RSRC1: variants seen among roughly 807,000 people sequenced by gnomAD.
RSRC1 encodes the protein serine/Arginine-related protein 53.
In RSRC1, 39 loss-of-function variants were observed where a neutral mutation model predicts 49.1. The observed-to-expected ratio is 0.79, with a 90% CI of 0.61 to 1.04. RSRC1 has a LOEUF of 1.04. RSRC1 is among the 50% of genes least tolerant of loss of function. The probability of loss-of-function intolerance (pLI) is 0.00; values close to 1 mark genes in which losing one functional copy is unlikely to be tolerated. For synonymous variants in RSRC1, 143 were observed against 130.8 expected, an observed-to-expected ratio of 1.09 and a Z score of -0.63; for missense variants, 388 against 402.4, an observed-to-expected ratio of 0.96 and a Z score of 0.31.
intron 3 of RSRC1, among the ~76,000 whole-genome samples, chr3:158,143,773 A>C (rs1202246767): frequency 6.6e-6 from 1 of 152,312 alleles, no homozygotes; most frequent in East Asian, 1.9e-4. Flanking sequence ...CTGTATCTTC[A>C]AGCAATATCC....
intron 3 of RSRC1, among the ~76,000 whole-genome samples, chr3:158,177,921 ACT>A (rs1719333677): frequency 6.6e-6 from 1 of 152,120 alleles, no homozygotes; most frequent in Admixed American, 6.5e-5. Flanking sequence ...GATTTCATTG[ACT>A]CTACAGATTA....
chr3:158,498,871 G>T (rs1280486986), intron 7 of RSRC1, among the ~76,000 whole-genome samples: 1 of 152,154 alleles, frequency 6.6e-6, no homozygotes, highest in African/African-American at 2.4e-5. Flanking sequence ...TCGAAGATCA[G>T]TTGGCTGGAA....
chr3:158,398,139 G>A (rs1346062420), intron 6 of RSRC1, among the ~76,000 whole-genome samples: 1 of 152,116 alleles, frequency 6.6e-6, no homozygotes, highest in African/African-American at 2.4e-5. Flanking sequence ...GGGTATGTCA[G>A]GCTCAGGGCA....
At chr3:158,517,755 ATTTTTTTTTTTTTTTT>A (rs766129663) in intron 7 of RSRC1, among the ~76,000 whole-genome samples, 10 of 35,194 alleles carry the variant, frequency 2.8e-4, no homozygotes, top group South Asian at 3.2e-3. Flanking sequence ...CACCCAGCTA[ATTTTTTTTTTTTTTTT>A]TTTTTTTTTT....
chr3:158,477,826 A>ATATATATG (rs1491151938), intron 7 of RSRC1, among the ~76,000 whole-genome samples: 2 of 134,604 alleles, frequency 1.5e-5, no homozygotes, highest in African/African-American at 5.5e-5. Flanking sequence ...ATATATATAT[A>ATATATATG]TGAAAGCCCT....
At chr3:158,332,754 T>C (rs1393809031) in intron 5 of RSRC1, among the ~76,000 whole-genome samples, 1 of 151,900 alleles carries the variant, frequency 6.6e-6, no homozygotes, top group Non-Finnish European at 1.5e-5. Context: ...CATTTTGCTA[T>C]GTATTTTTCT....
At chr3:158,235,294 C>T (rs1251601073) in intron 4 of RSRC1, among the ~76,000 whole-genome samples, 1 of 151,964 alleles carries the variant, frequency 6.6e-6, no homozygotes, top group East Asian at 1.9e-4. Context: ...ATGCAAATAA[C>T]CCTGATTACT....
chr3:158,439,007 A>G (rs1214623372), intron 6 of RSRC1, among the ~76,000 whole-genome samples: 1 of 152,246 alleles, frequency 6.6e-6, no homozygotes, highest in Non-Finnish European at 1.5e-5. Flanking sequence ...GGCGAAGGAT[A>G]TGAAGAGGCA....
intron 7 of RSRC1, among the ~76,000 whole-genome samples, chr3:158,532,489 T>G (rs967650380): frequency 1.1e-4 from 16 of 152,074 alleles, no homozygotes; most frequent in Middle Eastern, 6.8e-3. Context: ...AACTCTGTGT[T>G]ATAAAATGTG....
chr3:158,361,254 G>T (rs951916857), intron 6 of RSRC1, among the ~76,000 whole-genome samples: 1 of 152,178 alleles, frequency 6.6e-6, no homozygotes, highest in Non-Finnish European at 1.5e-5. Context: ...GTCCTCAGCA[G>T]GACGGCTGTG....
chr3:158,168,386 G>T (rs1345817825), intron 3 of RSRC1, among the ~76,000 whole-genome samples: 3 of 152,118 alleles, frequency 2.0e-5, no homozygotes, highest in Non-Finnish European at 4.4e-5. Flanking sequence ...GTTGTTTTAA[G>T]CTTTAAAGTT....
At chr3:158,158,517 C>G (rs888067359) in intron 3 of RSRC1, among the ~76,000 whole-genome samples, 3 of 152,270 alleles carry the variant, frequency 2.0e-5, no homozygotes, top group South Asian at 2.1e-4. Context: ...ATTTTTTTCT[C>G]TCTTGGAGTA....
chr3:158,393,628 T>C (rs1386123781), intron 6 of RSRC1, among the ~76,000 whole-genome samples: 1 of 151,734 alleles, frequency 6.6e-6, no homozygotes, highest in Non-Finnish European at 1.5e-5. Flanking sequence ...AAATAGAATC[T>C]CTGAGCAGAC....
chr3:158,306,913 T>C (rs1358082838), intron 5 of RSRC1, among the ~76,000 whole-genome samples: 1 of 152,050 alleles, frequency 6.6e-6, no homozygotes. Context: ...GCAAATGTTG[T>C]GCGTTTATTG....
rs549401538 is a variant in RSRC1, at chr3:158,428,368, A to T, written c.584-32567A>T. ...AATCTATTAAAGGGATGAGGGCACT[A>T]CTCTTAGGAAACAGAATGCTGGTGA... On this transcript the variant is annotated intron_variant, in intron 6 of 9. Transcript: ENST00000611884. Among the ~76,000 whole-genome samples, 27 of 151,900 alleles carry T rather than the reference A, an allele frequency of 1.8e-4. No homozygotes were observed. In the East Asian group the frequency reaches 2.9e-3, roughly 17 times the overall value.
chr3:158,148,351 G>T (rs1171120005), intron 3 of RSRC1, among the ~76,000 whole-genome samples: 1 of 104,778 alleles, frequency 9.5e-6, no homozygotes, highest in East Asian at 3.2e-4. Context: ...TTCTTAAAAG[G>T]TGTGTGTGTG....
intron 6 of RSRC1, among the ~76,000 whole-genome samples, chr3:158,364,254 A>G (rs1731636060): frequency 1.3e-5 from 2 of 152,012 alleles, no homozygotes; most frequent in African/African-American, 4.8e-5. Context: ...CCCTGATCTA[A>G]AGCTGAAAGA....
At chr3:158,253,471 A>G (rs959386021) in intron 4 of RSRC1, among the ~76,000 whole-genome samples, 18 of 152,182 alleles carry the variant, frequency 1.2e-4, no homozygotes, top group Admixed American at 2.6e-4. Context: ...AGTTTTTACA[A>G]CTTGTTTTAT....
intron 7 of RSRC1, among the ~76,000 whole-genome samples, chr3:158,489,672 T>C (rs1294743423): frequency 6.6e-6 from 1 of 152,158 alleles, no homozygotes; most frequent in Non-Finnish European, 1.5e-5. Context: ...TAAAAGATAT[T>C]TATGTAAAAT....
Sources: allele counts gnomAD v4.1 joint callset (sites outside exome capture counted in the v4.1 genomes callset), GRCh38; gene constraint gnomAD v4.1.1; transcripts MANE v1.5; gene names NCBI Gene and HGNC (gene_info 2026-07-23, HGNC 2026-07-21).